The following PRKG1 variants were observed in gnomAD, a reference collection of about 807,000 sequenced individuals.
PRKG1 encodes cGMP-dependent protein kinase 1.
A neutral mutation model predicts 88.1 loss-of-function variants in PRKG1; 35 were observed. The observed-to-expected ratio is 0.40, with a 90% CI of 0.30 to 0.53. PRKG1 has a LOEUF of 0.53. Among genes scored for constraint, PRKG1 ranks in the 20% least tolerant of loss-of-function variants. The pLI is 0.59. For missense variants in PRKG1, 540 were observed against 839.8 expected, an observed-to-expected ratio of 0.64 and a Z score of 4.41; for synonymous variants, 303 against 292.5, an observed-to-expected ratio of 1.04 and a Z score of -0.37.
At chr10:51,374,093 A>AATATATAT (rs58198784) in intron 2 of PRKG1, among the ~76,000 whole-genome samples, 4 of 100,188 alleles carry the variant, frequency 4.0e-5, no homozygotes, top group East Asian at 2.6e-4. Flanking sequence ...AAAAAAAAAA[A>AATATATAT]ATATATATAT....
intron 3 of PRKG1, among the ~76,000 whole-genome samples, chr10:51,531,964 GAC>G (rs754774979): frequency 6.6e-6 from 1 of 152,000 alleles, no homozygotes; most frequent in East Asian, 1.9e-4. Flanking sequence ...TTAAAAAAAT[GAC>G]AGTCAGGACA....
chr10:52,206,451 A>G (rs565419460), intron 9 of PRKG1, among the ~76,000 whole-genome samples: 1 of 152,174 alleles, frequency 6.6e-6, no homozygotes, highest in African/African-American at 2.4e-5. Context: ...TTGCTTGGGA[A>G]CTAGTGCAGT....
At position 51,556,376 on chromosome 10, in the gene PRKG1, A is replaced by G. The variant is rs10998083; in HGVS notation, c.592+88540A>G. ...AATTTCCATAAATATTTCAAAAAAT[A>G]ATTTTTCATAAAATTTTAAAATGAT... is the stretch of plus-strand genomic sequence containing the variant. On this transcript the variant is annotated intron_variant, in intron 3 of 17. Coordinates refer to ENST00000373980, the MANE Select transcript of PRKG1 (RefSeq NM_006258.4). Among the ~76,000 whole-genome samples the G allele has an allele frequency of 6.1e-4, 92 of 151,430 alleles. No homozygotes were observed. The East Asian group carries it at 0.015, about 24-fold the overall frequency.
chr10:51,754,195 C>T (rs990317271), intron 3 of PRKG1, among the ~76,000 whole-genome samples: 1 of 152,212 alleles, frequency 6.6e-6, no homozygotes, highest in East Asian at 1.9e-4. Flanking sequence ...CTTACTCAGG[C>T]AGACTCTTTT....
At chr10:51,067,623 T>G (rs1843769237) in intron 1 of PRKG1, among the ~76,000 whole-genome samples, 1 of 152,034 alleles carries the variant, frequency 6.6e-6, no homozygotes, top group South Asian at 2.1e-4. Context: ...TTGGCTGTAT[T>G]ATAATCTGGG....
intron 8 of PRKG1, among the ~76,000 whole-genome samples, chr10:52,150,313 C>T (rs1056154086): frequency 2.6e-5 from 4 of 151,932 alleles, no homozygotes; most frequent in Admixed American, 2.0e-4. Context: ...GTGCCAATTA[C>T]GGCTGGGATT....
intron 8 of PRKG1, among the ~76,000 whole-genome samples, chr10:52,138,609 A>G (rs1338975671): frequency 6.6e-6 from 1 of 152,054 alleles, no homozygotes; most frequent in Non-Finnish European, 1.5e-5. Context: ...ACCATCAGTG[A>G]CACTCTGTGA....
intron 3 of PRKG1, among the ~76,000 whole-genome samples, chr10:51,778,887 C>A (rs1418687118): frequency 6.6e-6 from 1 of 152,050 alleles, no homozygotes; most frequent in African/African-American, 2.4e-5. Flanking sequence ...ATTAATAAAG[C>A]CAAAAGCTGT....
intron 5 of PRKG1, among the ~76,000 whole-genome samples, chr10:52,019,881 G>T (rs886173749): frequency 6.6e-6 from 1 of 152,156 alleles, no homozygotes; most frequent in Non-Finnish European, 1.5e-5. Flanking sequence ...ATAGCCTTAG[G>T]CAGGGGTTGA....
At chr10:51,539,526 G>A (rs1842247526) in intron 3 of PRKG1, among the ~76,000 whole-genome samples, 1 of 152,154 alleles carries the variant, frequency 6.6e-6, no homozygotes, top group South Asian at 2.1e-4. Context: ...AGCATTTGGA[G>A]CTATAGGCTG....
intron 1 of PRKG1, among the ~76,000 whole-genome samples, chr10:51,131,416 A>G (rs1845563718): frequency 6.6e-6 from 1 of 152,180 alleles, no homozygotes; most frequent in Non-Finnish European, 1.5e-5. Context: ...AGACATATAA[A>G]TCATTGTTCT....
intron 2 of PRKG1, among the ~76,000 whole-genome samples, chr10:51,416,735 T>C (rs760493307): frequency 1.5e-4 from 23 of 152,156 alleles, no homozygotes; most frequent in Middle Eastern, 3.2e-3. Flanking sequence ...GTCACGTACA[T>C]TTGCTGCCCT....
intron 3 of PRKG1, among the ~76,000 whole-genome samples, chr10:51,724,174 T>C (rs1323933464): frequency 6.6e-6 from 1 of 152,224 alleles, no homozygotes; most frequent in Non-Finnish European, 1.5e-5. Flanking sequence ...TTCAGTTGTG[T>C]ACACTATCAG....
chr10:51,060,619 T>C (rs1589127771), intron 1 of PRKG1, among the ~76,000 whole-genome samples: 1 of 152,284 alleles, frequency 6.6e-6, no homozygotes, highest in South Asian at 2.1e-4. Context: ...TTTTATATTA[T>C]TGTTGTTAGA....
chr10:52,228,504 G>C (rs975886804), intron 9 of PRKG1, among the ~76,000 whole-genome samples: 2 of 152,164 alleles, frequency 1.3e-5, no homozygotes, highest in African/African-American at 4.8e-5. Flanking sequence ...CTGGGAATGA[G>C]AGGCCTATAT....
At chr10:51,175,538 G>A (rs1273999150) in intron 2 of PRKG1, among the ~76,000 whole-genome samples, 3 of 151,768 alleles carry the variant, frequency 2.0e-5, no homozygotes, top group East Asian at 3.9e-4. Context: ...TTTCCACCCG[G>A]AAGATAAAAA....
At chr10:52,220,341 T>A (rs571785442) in intron 9 of PRKG1, among the ~76,000 whole-genome samples, 6 of 152,214 alleles carry the variant, frequency 3.9e-5, no homozygotes, top group African/African-American at 1.4e-4. Flanking sequence ...GCTTGCCAAC[T>A]ATGTGAGTGG....
intron 9 of PRKG1, among the ~76,000 whole-genome samples, chr10:52,181,240 G>T (rs572810664): frequency 6.6e-6 from 1 of 152,174 alleles, no homozygotes; most frequent in Non-Finnish European, 1.5e-5. Flanking sequence ...TAGAACATGG[G>T]CACATGGCTT....
intron 3 of PRKG1, among the ~76,000 whole-genome samples, chr10:51,567,693 T>TA (rs1837642948): frequency 6.6e-6 from 1 of 151,954 alleles, no homozygotes; most frequent in South Asian, 2.1e-4. Flanking sequence ...TTCAAACAAT[T>TA]ATTGTGCCTC....
Sources: allele counts gnomAD v4.1 joint callset (sites outside exome capture counted in the v4.1 genomes callset), GRCh38; gene constraint gnomAD v4.1.1; transcripts MANE v1.5; gene names NCBI Gene and HGNC (gene_info 2026-07-23, HGNC 2026-07-21).